The following SGCZ variants were observed in gnomAD, a reference collection of about 807,000 sequenced individuals.
SGCZ encodes zeta-sarcoglycan.
A neutral mutation model predicts 41.3 loss-of-function variants in SGCZ; 40 were observed. The observed-to-expected ratio is 0.97, with a 90% CI of 0.75 to 1.26. The LOEUF is 1.26. Ranked by LOEUF, SGCZ falls within the 50% of genes most tolerant of loss-of-function variation. SGCZ has a pLI of 0.00. For missense variants in SGCZ, 552 were observed against 369.8 expected, an observed-to-expected ratio of 1.49 and a Z score of -4.04; for synonymous variants, 206 against 137.5, an observed-to-expected ratio of 1.50 and a Z score of -3.49.
At chr8:14,138,439 C>T (rs1415910930) in intron 5 of SGCZ, among the ~76,000 whole-genome samples, 1 of 151,566 alleles carries the variant, frequency 6.6e-6, no homozygotes, top group African/African-American at 2.4e-5. Context: ...TTCAGGAGAT[C>T]CATCTCACGT....
intron 5 of SGCZ, among the ~76,000 whole-genome samples, chr8:14,158,596 C>A (rs1266267078): frequency 6.6e-6 from 1 of 152,136 alleles, no homozygotes; most frequent in Non-Finnish European, 1.5e-5. Context: ...TGGAGAAATT[C>A]AAGCCATGAG....
intron 2 of SGCZ, among the ~76,000 whole-genome samples, chr8:14,542,100 T>C (rs1487876136): frequency 6.6e-6 from 1 of 152,180 alleles, no homozygotes; most frequent in African/African-American, 2.4e-5. Flanking sequence ...ACTCTGATGA[T>C]ATTTTCTTTT....
intron 1 of SGCZ, among the ~76,000 whole-genome samples, chr8:15,213,250 T>A (rs1801294830): frequency 6.6e-6 from 1 of 151,940 alleles, no homozygotes; most frequent in African/African-American, 2.4e-5. Context: ...ACAAGAGTAA[T>A]CCTACCCCTC....
In SGCZ at chr8:15,237,823, A is replaced by G. The variant is rs11782191; in HGVS notation, c.-200T>C. On this transcript the variant is annotated 5_prime_UTR_variant, in exon 1 of 8. Transcript: ENST00000382080. Reference sequence around the variant, plus strand: ...ATAAATAATAATGATAATTCACTTTATTTTACTTCCTCAAAGATTTAGTGA... The same window carrying G: ...ATAAATAATAATGATAATTCACTTTGTTTTACTTCCTCAAAGATTTAGTGA... 285,544 of 557,326 alleles carry G rather than the reference A, an allele frequency of 0.51. 77,208 individuals are homozygous for G. The highest frequency in any genetic ancestry group is 0.58 in the Non-Finnish European group (180,383 of 312,554). The allele number at this position is 557,326 out of a possible 1,614,324, so 34.5% of individuals were successfully genotyped here.
rs184822924 is a variant in SGCZ at position 14,700,056 on chromosome 8, G to A, written c.40-145130C>T. 3.9e-3 allele frequency among the ~76,000 whole-genome samples: 592 copies of A among 152,004 alleles called. 7 individuals are homozygous for A. Among genetic ancestry groups the A allele is most frequent in the African/African-American group, 0.013 (549 of 41,514 alleles). ...GTGGAAAACAGATTGGAGATTTCTC[G>A]AAGAACTTAAAAGAGAACTACCATT... On this transcript the variant is annotated intron_variant, in intron 1 of 7. Transcript: ENST00000382080.
chr8:15,170,658 C>T (rs917759367), intron 1 of SGCZ, among the ~76,000 whole-genome samples: 6 of 152,156 alleles, frequency 3.9e-5, no homozygotes, highest in South Asian at 2.1e-4. Flanking sequence ...TTTCTATGCA[C>T]GCTCTTTCAA....
intron 2 of SGCZ, among the ~76,000 whole-genome samples, chr8:14,502,755 A>G (rs1037150596): frequency 7.2e-5 from 11 of 152,218 alleles, no homozygotes; most frequent in African/African-American, 2.4e-4. Context: ...ATGAGATACC[A>G]TGTCACGCCA....
chr8:14,160,153 G>C (rs1803996652), intron 5 of SGCZ, among the ~76,000 whole-genome samples: 1 of 152,096 alleles, frequency 6.6e-6, no homozygotes, highest in Admixed American at 6.5e-5. Context: ...TTTAACTGCT[G>C]TCCTCTTTTA....
intron 1 of SGCZ, among the ~76,000 whole-genome samples, chr8:14,752,160 C>G (rs971450592): frequency 5.5e-5 from 8 of 144,996 alleles, no homozygotes; most frequent in African/African-American, 1.0e-4. Flanking sequence ...AAATCATACC[C>G]TTCCTCTGGA....
chr8:14,238,093 T>C (rs550547210), intron 3 of SGCZ, among the ~76,000 whole-genome samples: 14 of 152,248 alleles, frequency 9.2e-5, no homozygotes, highest in Non-Finnish European at 1.8e-4. Flanking sequence ...CTTCTCAAAA[T>C]TGGCTCATCT....
At chr8:14,389,630 T>C (rs923752924) in intron 2 of SGCZ, among the ~76,000 whole-genome samples, 2 of 151,978 alleles carry the variant, frequency 1.3e-5, no homozygotes, top group Admixed American at 1.3e-4. Flanking sequence ...TTTGTCTTTA[T>C]AGACTCTTGT....
intron 1 of SGCZ, among the ~76,000 whole-genome samples, chr8:14,760,235 G>A (rs1799817908): frequency 6.6e-6 from 1 of 152,254 alleles, no homozygotes; most frequent in African/African-American, 2.4e-5. Context: ...TGAAAACAAG[G>A]TAATCCCTTC....
At chr8:15,012,126 A>G (rs540662433) in intron 1 of SGCZ, among the ~76,000 whole-genome samples, 2 of 152,234 alleles carry the variant, frequency 1.3e-5, no homozygotes, top group African/African-American at 2.4e-5. Flanking sequence ...ATTATACTGT[A>G]CATGCACATA....
At chr8:15,067,363 G>C (rs1210964582) in intron 1 of SGCZ, among the ~76,000 whole-genome samples, 3 of 152,128 alleles carry the variant, frequency 2.0e-5, no homozygotes, top group Non-Finnish European at 4.4e-5. Flanking sequence ...ATGTGTTTTA[G>C]AACTAGAAGA....
chr8:14,363,720 T>C lies in SGCZ; in HGVS notation c.235-39516A>G, dbSNP rs545841580. Among the ~76,000 whole-genome samples, 11 of 152,306 alleles carry C rather than the reference T, an allele frequency of 7.2e-5. 1 individual carries two copies. In the South Asian group the frequency reaches 1.7e-3, roughly 23 times the overall value. Reference sequence around the variant, plus strand: ...TTTGTGGCAGCTGCTGGAGTAGATATTGAGGCCATATAAGCCTCCTTTACA... The same window carrying C: ...TTTGTGGCAGCTGCTGGAGTAGATACTGAGGCCATATAAGCCTCCTTTACA... On this transcript the variant is annotated intron_variant, in intron 2 of 7. Transcript: ENST00000382080.
In SGCZ at chr8:14,379,168, G is replaced by A. The variant is rs747391372; in HGVS notation, c.235-54964C>T. ...ATCCATTAGAATCTTAACTGCAAAA[G>A]AAATATTAACCAATTTTTATTTGCT... On this transcript the variant is annotated intron_variant, in intron 2 of 7. Transcript: ENST00000382080. Among the ~76,000 whole-genome samples, 6 of 152,124 alleles carry A rather than the reference G, an allele frequency of 3.9e-5. No homozygotes were observed. In the East Asian group the frequency reaches 1.2e-3, roughly 29 times the overall value.
chr8:15,002,350 G>C (rs777765513), intron 1 of SGCZ, among the ~76,000 whole-genome samples: 2 of 152,076 alleles, frequency 1.3e-5, no homozygotes, highest in Non-Finnish European at 2.9e-5. Context: ...CAGATTGCAC[G>C]GTTGGTGCCT....
At chr8:14,950,546 T>C (rs1800598869) in intron 1 of SGCZ, among the ~76,000 whole-genome samples, 1 of 152,054 alleles carries the variant, frequency 6.6e-6, no homozygotes, top group African/African-American at 2.4e-5. Context: ...TTTAGCAGTA[T>C]CTTTGAGCAG....
intron 1 of SGCZ, among the ~76,000 whole-genome samples, chr8:14,752,966 G>A (rs1278753974): frequency 6.6e-6 from 1 of 152,114 alleles, no homozygotes; most frequent in African/African-American, 2.4e-5. Flanking sequence ...ATCATTTCCT[G>A]TAATAGATTC....
Sources: allele counts gnomAD v4.1 joint callset (sites outside exome capture counted in the v4.1 genomes callset), GRCh38; gene constraint gnomAD v4.1.1; transcripts MANE v1.5; gene names NCBI Gene and HGNC (gene_info 2026-07-23, HGNC 2026-07-21).